TCERG1L: variants seen among roughly 807,000 people sequenced by gnomAD.
The protein encoded by TCERG1L is transcription elongation regulator 1 like.
TCERG1L carries 37 observed loss-of-function variants against 56.3 expected under a neutral mutation model. The observed-to-expected ratio is 0.66, with a 90% CI of 0.51 to 0.87. The LOEUF (loss-of-function observed/expected upper bound fraction) is 0.87, where lower values mean the gene tolerates loss of function less well. Ranked by LOEUF, TCERG1L falls within the 40% of genes least tolerant of loss-of-function variation. The pLI, the probability that TCERG1L is intolerant of heterozygous loss-of-function variation, is 0.00. For missense variants in TCERG1L, 799 were observed against 774.2 expected (o/e 1.03, Z -0.38); for synonymous variants, 324 against 326.3 (o/e 0.99, Z 0.08).
chr10:131,278,253 G>A (rs528554418), intron 3 of TCERG1L, among the ~76,000 whole-genome samples: 3 of 151,998 alleles, frequency 2.0e-5, no homozygotes, highest in South Asian at 2.1e-4. Context: ...ATGGGGCAGC[G>A]ATGCTTCTAG....
chr10:131,191,864 C>CAAAAAAAA (rs59816491), intron 4 of TCERG1L, among the ~76,000 whole-genome samples: 292 of 28,278 alleles, frequency 0.01, no homozygotes, highest in African/African-American at 0.02. Context: ...GACTCCGTCT[C>CAAAAAAAA]AAAAAAAAAA....
chr10:131,144,883 C>T (rs1376169961), intron 7 of TCERG1L, among the ~76,000 whole-genome samples: 2 of 152,202 alleles, frequency 1.3e-5, no homozygotes. Context: ...CCCTGTCGTC[C>T]ACCCACAGTC....
chr10:131,170,165 G>C (rs1199667034), intron 4 of TCERG1L, among the ~76,000 whole-genome samples: 1 of 152,152 alleles, frequency 6.6e-6, no homozygotes, highest in Admixed American at 6.5e-5. Context: ...TTGGAGGTGT[G>C]TGGGTGGCAC....
intron 4 of TCERG1L, among the ~76,000 whole-genome samples, chr10:131,196,554 T>C (rs1349032535): frequency 3.3e-5 from 5 of 152,142 alleles, no homozygotes; most frequent in African/African-American, 1.2e-4. Context: ...GCATGTTCAG[T>C]CTCCACTGTC....
intron 4 of TCERG1L, among the ~76,000 whole-genome samples, chr10:131,239,452 T>C (rs917790314): frequency 6.6e-6 from 1 of 152,234 alleles, no homozygotes; most frequent in Non-Finnish European, 1.5e-5. Context: ...TATTTATTTA[T>C]TACCTCAAAG....
intron 3 of TCERG1L, among the ~76,000 whole-genome samples, chr10:131,284,230 C>T (rs979328414): frequency 1.3e-5 from 2 of 151,624 alleles, no homozygotes; most frequent in African/African-American, 4.8e-5. Flanking sequence ...CAGTTTACTT[C>T]AGTTACAAAT....
rs144408597 is a variant in TCERG1L at position 131,154,469 on chromosome 10, C to G, written c.1035-7809G>C. The stretch of plus-strand genomic sequence containing the variant: ...AGGAGTGTCCTGGGGATGGACAAAG[C>G]CACACACTCCCTGGGGCCGGGCCAC... On this transcript the variant is annotated intron_variant, in intron 6 of 11. Transcript: ENST00000368642. 2.2e-3 allele frequency among the ~76,000 whole-genome samples: 333 copies of G among 152,304 alleles called. 3 individuals are homozygous for G. The highest frequency in any genetic ancestry group is 3.5e-3 in the Non-Finnish European group (239 of 68,018).
At chr10:131,238,716 T>C (rs759363750) in intron 4 of TCERG1L, among the ~76,000 whole-genome samples, 3 of 152,226 alleles carry the variant, frequency 2.0e-5, no homozygotes, top group Non-Finnish European at 4.4e-5. Flanking sequence ...GGTCTCGGGC[T>C]GGAAATGGGA....
intron 3 of TCERG1L, among the ~76,000 whole-genome samples, chr10:131,273,986 C>T (rs1002929459): frequency 2.6e-5 from 4 of 152,126 alleles, no homozygotes; most frequent in Admixed American, 2.6e-4. Context: ...AGAAATGAAA[C>T]TGCTTGCTCA....
intron 6 of TCERG1L, among the ~76,000 whole-genome samples, chr10:131,160,058 C>G (rs1845961128): frequency 1.3e-5 from 2 of 152,174 alleles, no homozygotes; most frequent in South Asian, 4.1e-4. Flanking sequence ...AGTGAAGCAG[C>G]AGCCACCTCT....
At chr10:131,101,113 G>A (rs925195168) in intron 10 of TCERG1L, among the ~76,000 whole-genome samples, 1 of 152,200 alleles carries the variant, frequency 6.6e-6, no homozygotes, top group African/African-American at 2.4e-5. Context: ...TCATCTATTT[G>A]CAGAGGACCA....
chr10:131,221,551 G>A (rs559738271), intron 4 of TCERG1L, among the ~76,000 whole-genome samples: 3 of 152,340 alleles, frequency 2.0e-5, no homozygotes, highest in East Asian at 3.9e-4. Context: ...TGGAAGATGC[G>A]CTGAGGGGAT....
chr10:131,148,130 C>T (rs956417627), intron 6 of TCERG1L, among the ~76,000 whole-genome samples: 2 of 152,226 alleles, frequency 1.3e-5, no homozygotes, highest in East Asian at 3.9e-4. Flanking sequence ...AACAGGTGTG[C>T]ATCACCTTAC....
At chr10:131,203,523 C>A (rs1285671605) in intron 4 of TCERG1L, among the ~76,000 whole-genome samples, 1 of 152,246 alleles carries the variant, frequency 6.6e-6, no homozygotes, top group Non-Finnish European at 1.5e-5. Context: ...CACAGGACTT[C>A]TCAGCCTCAT....
At chr10:131,162,929 G>A (rs575812752) in intron 6 of TCERG1L, 193 bp downstream of exon 6, 6 of 509,214 alleles carry the variant, frequency 1.2e-5, no homozygotes, top group Admixed American at 1.1e-4. Context: ...ATAGCTCATC[G>A]CTTAAATGCT....
At chr10:131,198,702 G>A (rs943607392) in intron 4 of TCERG1L, among the ~76,000 whole-genome samples, 5 of 152,188 alleles carry the variant, frequency 3.3e-5, no homozygotes, top group Non-Finnish European at 5.9e-5. Context: ...GTGACTCTAC[G>A]GGTCTTTGTG....
At chr10:131,210,953 C>T (rs901209673) in intron 4 of TCERG1L, among the ~76,000 whole-genome samples, 1 of 152,182 alleles carries the variant, frequency 6.6e-6, no homozygotes, top group Non-Finnish European at 1.5e-5. Context: ...TGAAGATTTA[C>T]ACCTTCCACG....
chr10:131,294,519 A>T (rs1846667595), intron 3 of TCERG1L, among the ~76,000 whole-genome samples: 1 of 152,160 alleles, frequency 6.6e-6, no homozygotes, highest in Non-Finnish European at 1.5e-5. Context: ...TGGCCCAAAT[A>T]AACTCTCTGT....
chr10:131,223,719 G>C (rs1019460305), intron 4 of TCERG1L, among the ~76,000 whole-genome samples: 2 of 151,388 alleles, frequency 1.3e-5, no homozygotes, highest in African/African-American at 4.9e-5. Flanking sequence ...CTCACACACA[G>C]ACATGCTCAC....
Sources: allele counts gnomAD v4.1 joint callset (sites outside exome capture counted in the v4.1 genomes callset), GRCh38; gene constraint gnomAD v4.1.1; transcripts MANE v1.5; gene names NCBI Gene and HGNC (gene_info 2026-07-23, HGNC 2026-07-21).